The following MN1 variants were observed in gnomAD, a reference collection of about 807,000 sequenced individuals.
MN1 encodes MN1 proto-oncogene, transcriptional regulator.
MN1 carries 19 observed loss-of-function variants against 86.9 expected under a neutral mutation model. The observed-to-expected ratio is 0.22, with a 90% CI of 0.15 to 0.32. MN1 has a LOEUF of 0.32. MN1 is among the 10% of genes least tolerant of loss of function. The pLI is 1.00. For synonymous variants in MN1, 928 were observed against 849.6 expected, an observed-to-expected ratio of 1.09 and a Z score of -1.60; for missense variants, 1,841 against 1,862.0, an observed-to-expected ratio of 0.99 and a Z score of 0.21.
rs1933314589 is a variant in MN1 at position 27,797,246 on chromosome 22, G to A, written c.3298C>T (p.Pro1100Ser). 1 of 1,575,108 alleles carries A rather than the reference G, an allele frequency of 6.3e-7. No individual in the cohort carries two copies. The highest frequency in any genetic ancestry group is 8.6e-7 in the Non-Finnish European group (1 of 1,167,324). ...ATGATGCCCAGGCCGAGGGCGGGCG[G>A]GGGCGCCTTCGGTCCGTGTTCCCCG... ...GAGEHGPKAPPPALGLGIMSN... is the reference protein window; with the variant it reads ...GAGEHGPKAPSPALGLGIMSN... The change falls in exon 1 of 2, where the codon CCG becomes TCG. Residue 1100 changes from proline to serine, a missense_variant. Transcript: ENST00000302326.
chr22:27,787,727 C>T, intron 1 of MN1, among the ~76,000 whole-genome samples: 1 of 152,158 alleles, frequency 6.6e-6, no homozygotes, highest in East Asian at 1.9e-4. Flanking sequence ...CTTTTCCCAC[C>T]CCCATCATCC....
chr22:27,749,245 T>TA lies in MN1; in HGVS notation c.*1669dup, dbSNP rs1326925516. Reference sequence around the variant, plus strand: ...CCCTTCGCTGAAAAGTTCTTTGAAATAAACAACGTGGGTGTTGTATGGTGA... The same window carrying TA: ...CCCTTCGCTGAAAAGTTCTTTGAAATAAAACAACGTGGGTGTTGTATGGTGA... On this transcript the variant is annotated 3_prime_UTR_variant, in exon 2 of 2. Coordinates refer to ENST00000302326, the MANE Select transcript of MN1 (RefSeq NM_002430.3). The TA allele has an allele frequency of 4.3e-6, 1 of 231,050 alleles. No individual in the cohort carries two copies. Among genetic ancestry groups the TA allele is most frequent in the Non-Finnish European group, 8.6e-6 (1 of 116,792 alleles). 14.3% of individuals were successfully genotyped at this position (231,050 alleles called of 1,614,324 possible). A position where few individuals can be genotyped will look rare whatever the true frequency, so the allele number is the denominator to read the frequency against.
At chr22:27,790,135 G>C (rs1933190691) in intron 1 of MN1, among the ~76,000 whole-genome samples, 3 of 152,216 alleles carry the variant, frequency 2.0e-5, no homozygotes, top group African/African-American at 7.2e-5. Flanking sequence ...TTAAAATGAA[G>C]GCCGGCACAC....
chr22:27,800,340 G>A lies in MN1; in HGVS notation c.204C>T (p.Tyr68=), dbSNP rs1397653529. ...CCGAGTGGCCGCGCGCGTGGAAGCC[G>A]TAGGGCTCCATGTTCATGCCCAAGA... The part of the protein sequence containing the change: ...PPILGMNMEP[Y]GFHARGHSEL... Residue 68 remains tyrosine (Y), a synonymous_variant, in exon 1 of 2, where the codon TAC becomes TAT. Coordinates refer to ENST00000302326, the MANE Select transcript of MN1 (RefSeq NM_002430.3). The A allele has an allele frequency of 1.3e-6, 2 of 1,598,168 alleles. No individual in the cohort carries two copies. The highest frequency in any genetic ancestry group is 2.7e-5 in the African/African-American group (2 of 74,602).
At chr22:27,794,298 A>G (rs1347337144) in intron 1 of MN1, among the ~76,000 whole-genome samples, 1 of 152,220 alleles carries the variant, frequency 6.6e-6, no homozygotes, top group East Asian at 1.9e-4. Context: ...AGCAGGATTC[A>G]GATGCAGATA....
intron 1 of MN1, among the ~76,000 whole-genome samples, chr22:27,759,866 G>A (rs1445531983): frequency 6.6e-6 from 1 of 152,186 alleles, no homozygotes; most frequent in Non-Finnish European, 1.5e-5. Flanking sequence ...ATGACTAGTG[G>A]TTTGGGTAGA....
Position 27,800,207 on chromosome 22 carries a change from G to T in MN1, c.337C>A (p.His113Asn), listed in dbSNP as rs769294628. 3.2e-6 allele frequency: 5 copies of T among 1,567,474 alleles called. No individual in the cohort carries two copies. Among genetic ancestry groups the T allele is most frequent in the Non-Finnish European group, 4.3e-6 (5 of 1,158,754 alleles). ...GSHHPHQHHP[H>N]FGGNFGGPDP... ...GGGCCACCGAAGTTGCCCCCAAAGT[G>T]GGGGTGATGCTGGTGGGGATGATGA... The change falls in exon 1 of 2, where the codon CAC becomes AAC. Residue 113 changes from histidine (H) to asparagine (N), a missense_variant. Transcript: ENST00000302326.
At chr22:27,759,024 C>T (rs774166306) in intron 1 of MN1, among the ~76,000 whole-genome samples, 40 of 152,234 alleles carry the variant, frequency 2.6e-4, no homozygotes, top group South Asian at 8.3e-4. Context: ...GATGGGAGTT[C>T]ACCATGTTGC....
chr22:27,790,424 G>A (rs974864426), intron 1 of MN1, among the ~76,000 whole-genome samples: 25 of 152,242 alleles, frequency 1.6e-4, no homozygotes, highest in African/African-American at 5.8e-4. Context: ...GACCCATCGG[G>A]CACAATGTGC....
intron 1 of MN1, among the ~76,000 whole-genome samples, chr22:27,770,918 C>T (rs1012043395): frequency 6.6e-6 from 1 of 152,132 alleles, no homozygotes; most frequent in African/African-American, 2.4e-5. Flanking sequence ...CCTCAGCCTC[C>T]CAAAGTGCTG....
At chr22:27,775,702 A>G (rs935502920) in intron 1 of MN1, among the ~76,000 whole-genome samples, 8 of 152,158 alleles carry the variant, frequency 5.3e-5, no homozygotes, top group Non-Finnish European at 2.9e-5. Flanking sequence ...TGTAGCTTAA[A>G]ATCCTGAAAA....
In MN1 at chr22:27,798,464, C is replaced by A; in HGVS notation, c.2080G>T (p.Ala694Ser). The change falls in exon 1 of 2, where the codon GCG becomes TCG. Residue 694 changes from alanine to serine, a missense_variant. Physicochemically the swap from Ala to Ser is moderately conservative, Grantham distance 99. Transcript: ENST00000302326. ...MRMPGEGHVP[A>S]LPSPGLQFGG... ...AACTGCAGGCCCGGTGAAGGCAGCGCGGGCACGTGGCCCTCTCCGGGCATC... is the reference window on the plus strand; with the variant it reads ...AACTGCAGGCCCGGTGAAGGCAGCGAGGGCACGTGGCCCTCTCCGGGCATC... 1 of 1,565,888 alleles carries A rather than the reference C, an allele frequency of 6.4e-7. No individual in the cohort carries two copies. Among genetic ancestry groups the A allele is most frequent in the South Asian group, 1.2e-5 (1 of 86,326 alleles).
At position 27,798,474 on chromosome 22, in the gene MN1, G is replaced by A; in HGVS notation, c.2070C>T (p.Gly690=). The part of the protein sequence containing the change: ...LQEPMRMPGE[G]HVPALPSPGL... Reference sequence around the variant, plus strand: ...CCGGTGAAGGCAGCGCGGGCACGTGGCCCTCTCCGGGCATCCTCATCGGCT... The same window carrying A: ...CCGGTGAAGGCAGCGCGGGCACGTGACCCTCTCCGGGCATCCTCATCGGCT... The change falls in exon 1 of 2, where the codon GGC becomes GGT. Residue 690 remains glycine, a synonymous_variant. Transcript: ENST00000302326. 1 of 1,562,562 alleles carries A rather than the reference G, an allele frequency of 6.4e-7. No individual in the cohort carries two copies. The highest frequency in any genetic ancestry group is 1.7e-4 in the Middle Eastern group (1 of 5,898).
chr22:27,780,461 T>C (rs1435196766), intron 1 of MN1, among the ~76,000 whole-genome samples: 1 of 152,178 alleles, frequency 6.6e-6, no homozygotes, highest in East Asian at 1.9e-4. Context: ...TTCAGGAATT[T>C]TGCAATCCGG....
intron 1 of MN1, among the ~76,000 whole-genome samples, chr22:27,766,200 C>T (rs1364986576): frequency 1.3e-5 from 2 of 152,172 alleles, no homozygotes; most frequent in East Asian, 1.9e-4. Context: ...ACCGGGACTC[C>T]GTGACCTAAA....
chr22:27,755,924 T>C (rs1313194376), intron 1 of MN1, among the ~76,000 whole-genome samples: 4 of 152,210 alleles, frequency 2.6e-5, no homozygotes, highest in African/African-American at 7.2e-5. Flanking sequence ...CTTTTGTACA[T>C]CACTTCAGCT....
chr22:27,784,131 G>C (rs1428398109), intron 1 of MN1, among the ~76,000 whole-genome samples: 2 of 152,202 alleles, frequency 1.3e-5, no homozygotes, highest in Non-Finnish European at 2.9e-5. Context: ...TCGTATAAAG[G>C]GGAGCAGGAC....
intron 1 of MN1, among the ~76,000 whole-genome samples, chr22:27,775,056 C>T (rs45462792): frequency 0.013 from 1,913 of 152,298 alleles, 42 homozygotes; most frequent in African/African-American, 0.044. Context: ...GCAGTCAGAC[C>T]CAGTGGGCAG....
chr22:27,789,736 C>A (rs993268607), intron 1 of MN1, among the ~76,000 whole-genome samples: 1 of 152,214 alleles, frequency 6.6e-6, no homozygotes. Flanking sequence ...CTGCTAGATT[C>A]AGTTGCCTTA....
Sources: allele counts gnomAD v4.1 joint callset (sites outside exome capture counted in the v4.1 genomes callset), GRCh38; gene constraint gnomAD v4.1.1; transcripts MANE v1.5; gene names NCBI Gene and HGNC (gene_info 2026-07-23, HGNC 2026-07-21).